The following NIBAN1 variants were observed in gnomAD, a reference collection of about 807,000 sequenced individuals.
The protein encoded by NIBAN1 is protein Niban 1.
NIBAN1 carries 81 observed loss-of-function variants against 75.1 expected under a neutral mutation model. The ratio of observed to expected loss-of-function variants is 1.08; its 90% CI spans 0.90 to 1.30. NIBAN1 has a LOEUF of 1.30. Among genes scored for constraint, NIBAN1 ranks in the 50% most tolerant of loss-of-function variants. The probability of loss-of-function intolerance (pLI) is 0.00; values close to 1 mark genes in which losing one functional copy is unlikely to be tolerated. For synonymous variants in NIBAN1, 436 were observed against 424.8 expected (o/e 1.03, Z -0.32); for missense variants, 1,133 against 1,128.1 (o/e 1.00, Z -0.06).
chr1:184,906,523 G>A (rs1032006192), intron 1 of NIBAN1, among the ~76,000 whole-genome samples: 16 of 152,134 alleles, frequency 1.1e-4, no homozygotes, highest in African/African-American at 3.4e-4. Flanking sequence ...CCAGCTACTC[G>A]GGAGGCTGAG....
At chr1:184,890,994 A>C (rs1403651964) in intron 3 of NIBAN1, among the ~76,000 whole-genome samples, 2 of 152,234 alleles carry the variant, frequency 1.3e-5, no homozygotes, top group Non-Finnish European at 2.9e-5. Flanking sequence ...TCTAAAGGCA[A>C]GTTGAGAATT....
intron 5 of NIBAN1, chr1:184,868,139 A>G (rs753521351): frequency 1.1e-5 from 9 of 789,590 alleles, no homozygotes; most frequent in Non-Finnish European, 1.4e-5. Flanking sequence ...CTAACTTCCA[A>G]CTTCCTTCTT....
At chr1:184,840,339 A>T (rs913672805) in intron 5 of NIBAN1, among the ~76,000 whole-genome samples, 8 of 152,242 alleles carry the variant, frequency 5.3e-5, no homozygotes, top group Non-Finnish European at 2.9e-5. Context: ...ATTAGTGGAC[A>T]CAGCCCTATC....
At position 184,795,957 on chromosome 1, in the gene NIBAN1, C is replaced by T. The variant is rs1458384543; in HGVS notation, c.1807G>A (p.Ala603Thr). The T allele has an allele frequency of 1.9e-6, 3 of 1,614,186 alleles. No homozygotes were observed. The South Asian group carries it at 3.3e-5, about 18-fold the overall frequency. Residue 603 changes from alanine to threonine, a missense_variant, in exon 14 of 14, where the codon GCC becomes ACC. Transcript: ENST00000367511. ...CTACCCAGAACTCCTGGCAGAATGG[C>T]AGAAGCTCTCCTGGCAGGGCTGGCC... ...NQASPARRAS[A>T]ILPGVLGSET...
In NIBAN1 at chr1:184,803,691, T is replaced by C; in HGVS notation, c.1448A>G (p.Gln483Arg). Reference sequence around the variant, plus strand: ...GATGGTGCTGCTGTCATAATCATATTGCTGTCAATAAAGAAACATATGTTA... The same window carrying C: ...GATGGTGCTGCTGTCATAATCATATCGCTGTCAATAAAGAAACATATGTTA... ...IEKVKLRVLK[Q>R]YDYDSSTIRK... The change falls in exon 12 of 14, where the codon CAA becomes CGA. Residue 483 changes from glutamine to arginine, a missense_variant and splice_region_variant. Coordinates refer to ENST00000367511, the MANE Select transcript of NIBAN1 (RefSeq NM_052966.4). 1 of 1,613,196 alleles carries C rather than the reference T, an allele frequency of 6.2e-7. No homozygotes were observed. Among genetic ancestry groups the C allele is most frequent in the Non-Finnish European group, 8.5e-7 (1 of 1,179,196 alleles).
In NIBAN1 at chr1:184,795,052, C is replaced by A. The variant is rs751439998; in HGVS notation, c.2712G>T (p.Leu904=). 19 of 1,613,808 alleles carry A rather than the reference C, an allele frequency of 1.2e-5. No individual in the cohort carries two copies. The African/African-American group carries it at 2.5e-4, about 22-fold the overall frequency. The change falls in exon 14 of 14, where the codon CTG becomes CTT. Residue 904 remains leucine (L), a synonymous_variant. Transcript: ENST00000367511. ...VVEDAPNPDV[L]LSHKDDVKEG... is the part of the protein sequence containing the mutation. Reference sequence around the variant, plus strand: ...CCTTCACGTCATCTTTGTGTGACAGCAGGACATCCGGGTTTGGAGCATCCT... The same window carrying A: ...CCTTCACGTCATCTTTGTGTGACAGAAGGACATCCGGGTTTGGAGCATCCT...
intron 1 of NIBAN1, among the ~76,000 whole-genome samples, chr1:184,961,064 T>TTTTTTC (rs1421843475): frequency 5.1e-5 from 6 of 117,554 alleles, no homozygotes; most frequent in African/African-American, 2.1e-4. Context: ...GTTCTTTTTT[T>TTTTTTC]TTTTTTTTTT....
chr1:184,868,137 C>T (rs372908949), intron 5 of NIBAN1: 6 of 785,284 alleles, frequency 7.6e-6, no homozygotes, highest in East Asian at 1.3e-4. Context: ...TCCTAACTTC[C>T]AACTTCCTTC....
intron 1 of NIBAN1, among the ~76,000 whole-genome samples, chr1:184,935,025 A>T (rs1190920195): frequency 1.3e-5 from 2 of 152,240 alleles, no homozygotes; most frequent in African/African-American, 4.8e-5. Context: ...AGCCGTGGTC[A>T]CACCACTGCA....
chr1:184,831,966 A>C lies in NIBAN1; in HGVS notation c.602-4T>G. 1 of 1,605,470 alleles carries C rather than the reference A, an allele frequency of 6.2e-7. No individual in the cohort carries two copies. Among genetic ancestry groups the C allele is most frequent in the Non-Finnish European group, 8.5e-7 (1 of 1,172,256 alleles). On this transcript the variant is annotated splice_polypyrimidine_tract_variant and splice_region_variant and intron_variant, in intron 5 of 13. Coordinates refer to ENST00000367511, the MANE Select transcript of NIBAN1 (RefSeq NM_052966.4). Reference sequence around the variant, plus strand: ...AATGTCATCTGCTTCATGTAATCTAAAGAAAAGAAGAAAGGGCATTCAGCA... The same window carrying C: ...AATGTCATCTGCTTCATGTAATCTACAGAAAAGAAGAAAGGGCATTCAGCA...
chr1:184,903,582 C>G (rs1657008975), intron 1 of NIBAN1, among the ~76,000 whole-genome samples: 1 of 152,020 alleles, frequency 6.6e-6, no homozygotes, highest in South Asian at 2.1e-4. Context: ...ACCTTCTCCT[C>G]TCTCTTGCTC....
chr1:184,855,398 G>A (rs1451549799), intron 5 of NIBAN1, among the ~76,000 whole-genome samples: 2 of 152,042 alleles, frequency 1.3e-5, no homozygotes, highest in African/African-American at 2.4e-5. Context: ...CTTTCAAGCT[G>A]AATGATACAA....
intron 1 of NIBAN1, among the ~76,000 whole-genome samples, chr1:184,950,088 A>T (rs574411387): frequency 1.5e-4 from 23 of 152,206 alleles, no homozygotes; most frequent in African/African-American, 4.8e-4. Context: ...AAATCATTTT[A>T]AAAAAAACAA....
At chr1:184,827,346 C>A (rs569889648) in intron 6 of NIBAN1, among the ~76,000 whole-genome samples, 130 of 152,102 alleles carry the variant, frequency 8.5e-4, no homozygotes, top group Admixed American at 4.3e-3. Flanking sequence ...CCCCACCCTG[C>A]CCTGATCGAG....
At chr1:184,880,452 T>C (rs923943497) in intron 5 of NIBAN1, among the ~76,000 whole-genome samples, 9 of 152,234 alleles carry the variant, frequency 5.9e-5, no homozygotes, top group Non-Finnish European at 1.0e-4. Flanking sequence ...GTTCCTAATA[T>C]GCATCACAAA....
At chr1:184,851,864 C>G (rs1655547900) in intron 5 of NIBAN1, among the ~76,000 whole-genome samples, 1 of 148,954 alleles carries the variant, frequency 6.7e-6, no homozygotes, top group Non-Finnish European at 1.5e-5. Context: ...TTAACTAATC[C>G]TCTTATGACC....
At chr1:184,934,338 G>GA (rs1657898981) in intron 1 of NIBAN1, among the ~76,000 whole-genome samples, 1 of 151,794 alleles carries the variant, frequency 6.6e-6, no homozygotes, top group East Asian at 1.9e-4. Flanking sequence ...GAAGGGAGGA[G>GA]GGCAAGTGTT....
Position 184,894,151 on chromosome 1 carries a change from T to C in NIBAN1, c.242A>G (p.Glu81Gly), listed in dbSNP as rs1557903661. 2 of 1,612,956 alleles carry C rather than the reference T, an allele frequency of 1.2e-6. No individual in the cohort carries two copies. The highest frequency in any genetic ancestry group is 1.7e-6 in the Non-Finnish European group (2 of 1,179,498). Residue 81 changes from glutamate (E) to glycine (G), a missense_variant, in exon 3 of 14, where the codon GAA becomes GGA. By Grantham distance (98) the Glu-to-Gly change is moderately conservative. Transcript: ENST00000367511. ...LYEAELSQFS[E>G]DIKKWKERYV... The stretch of plus-strand genomic sequence containing the variant: ...TCTCTCCTTCCACTTCTTTATGTCT[T>C]CAGAAAATTGTGATAGCTCTGCTTC...
chr1:184,952,556 G>A (rs1353227409), intron 1 of NIBAN1, among the ~76,000 whole-genome samples: 1 of 152,138 alleles, frequency 6.6e-6, no homozygotes, highest in Non-Finnish European at 1.5e-5. Flanking sequence ...ACTAAGGATA[G>A]CTAATGAGCT....
Sources: allele counts gnomAD v4.1 joint callset (sites outside exome capture counted in the v4.1 genomes callset), GRCh38; gene constraint gnomAD v4.1.1; transcripts MANE v1.5; gene names NCBI Gene and HGNC (gene_info 2026-07-23, HGNC 2026-07-21).